Variants in PLD5 observed in about 807,000 individuals in gnomAD.
The protein encoded by PLD5 is inactive phospholipase D5.
PLD5 carries 36 observed loss-of-function variants against 61.1 expected under a neutral mutation model. The ratio of observed to expected loss-of-function variants is 0.59; its 90% confidence interval spans 0.45 to 0.78. The LOEUF (loss-of-function observed/expected upper bound fraction) is 0.78, where lower values mean the gene tolerates loss of function less well. Among genes scored for constraint, PLD5 ranks in the 30% least tolerant of loss-of-function variants. The probability of loss-of-function intolerance (pLI) is 0.00; values close to 1 mark genes in which losing one functional copy is unlikely to be tolerated. For synonymous variants in PLD5, 243 were observed against 242.8 expected (o/e 1.00, Z -0.01); for missense variants, 515 against 644.4 (o/e 0.80, Z 2.17).
At chr1:242,474,318 T>G (rs1475187934) in intron 1 of PLD5, among the ~76,000 whole-genome samples, 2 of 152,332 alleles carry the variant, frequency 1.3e-5, no homozygotes, top group East Asian at 3.9e-4. Flanking sequence ...CCCCTAAAGC[T>G]GCTCCTCTTC....
chr1:242,523,766 G>C (rs984440754), intron 1 of PLD5, among the ~76,000 whole-genome samples: 5 of 152,216 alleles, frequency 3.3e-5, no homozygotes, highest in African/African-American at 1.2e-4. Context: ...AGCCACGCTG[G>C]TGGCACTTCC....
chr1:242,391,691 G>A lies in PLD5; in HGVS notation c.190-43449C>T, dbSNP rs575022892. On this transcript the variant is annotated intron_variant, in intron 1 of 9. Coordinates refer to ENST00000536534, the MANE Select transcript of PLD5 (RefSeq NM_001372062.1). ...GAATATCCACCTTATGGAAAGGAAA[G>A]TTTAATGCAAAGAAAGCAAATAGTA... Among the ~76,000 whole-genome samples the A allele has an allele frequency of 2.0e-5, 3 of 152,288 alleles. No homozygotes were observed. In the South Asian group the frequency reaches 6.2e-4, roughly 32 times the overall value.
At chr1:242,523,993 G>GC (rs1393447563) in intron 1 of PLD5, 95 bp downstream of exon 1, 63 of 1,332,814 alleles carry the variant, frequency 4.7e-5, no homozygotes, top group Non-Finnish European at 5.5e-5. Context: ...CCCCTCGCCT[G>GC]CCCCCCGCGC....
At chr1:242,476,401 G>A (rs965791105) in intron 1 of PLD5, among the ~76,000 whole-genome samples, 4 of 151,908 alleles carry the variant, frequency 2.6e-5, no homozygotes, top group East Asian at 1.9e-4. Context: ...CAAATGGAGC[G>A]TTTAGTAAGT....
chr1:242,249,977 C>T (rs1048515013), intron 4 of PLD5, among the ~76,000 whole-genome samples: 4 of 152,154 alleles, frequency 2.6e-5, no homozygotes, highest in Non-Finnish European at 5.9e-5. Flanking sequence ...CATTTCAGAA[C>T]CATCCTAAGC....
intron 1 of PLD5, among the ~76,000 whole-genome samples, chr1:242,493,271 T>G (rs1254402270): frequency 6.6e-6 from 1 of 152,040 alleles, no homozygotes; most frequent in Non-Finnish European, 1.5e-5. Context: ...ACCTGTGGAC[T>G]TGACTATTAA....
At chr1:242,313,994 T>C (rs1558455599) in intron 2 of PLD5, among the ~76,000 whole-genome samples, 1 of 152,176 alleles carries the variant, frequency 6.6e-6, no homozygotes. Context: ...GCGTTTTTCC[T>C]AGACTTAGTG....
intron 1 of PLD5, among the ~76,000 whole-genome samples, chr1:242,388,637 A>T (rs931086768): frequency 6.6e-6 from 1 of 152,104 alleles, no homozygotes; most frequent in Non-Finnish European, 1.5e-5. Flanking sequence ...TAATAATACA[A>T]CCTAAGATGT....
At chr1:242,252,236 GA>G (rs1672742884) in intron 4 of PLD5, among the ~76,000 whole-genome samples, 1 of 152,252 alleles carries the variant, frequency 6.6e-6, no homozygotes, top group Non-Finnish European at 1.5e-5. Flanking sequence ...AGCCTGCTAG[GA>G]AGAACAGAAA....
At chr1:242,529,768 G>A in the PLD5 span, among the ~76,000 whole-genome samples, 32 of 111,226 alleles carry the variant, frequency 2.9e-4, no homozygotes, top group Non-Finnish European at 4.5e-4. Flanking sequence ...CAAATCAGAT[G>A]GCACTGGGAT....
At chr1:242,305,529 C>T (rs1372418903) in intron 2 of PLD5, among the ~76,000 whole-genome samples, 2 of 152,152 alleles carry the variant, frequency 1.3e-5, no homozygotes, top group South Asian at 2.1e-4. Flanking sequence ...GGGCTAAAAG[C>T]GGAGACTGTG....
rs78666365 is a variant in PLD5 at position 242,256,969 on chromosome 1, T to TCTAC, written c.607+8364_607+8367dup. ...ACCTACTGTCTTCTATCTATATCTA[T>TCTAC]CTACCTACCTACCTACCTTCTTTCT... On this transcript the variant is annotated intron_variant, in intron 4 of 9. Transcript: ENST00000536534. The surrounding 1 kb of genome is among the most constrained non-coding windows in gnomAD (Gnocchi z 5.7). Among the ~76,000 whole-genome samples the TCTAC allele has an allele frequency of 1.6e-4, 24 of 151,674 alleles. No homozygotes were observed. The highest frequency in any genetic ancestry group is 5.8e-4 in the African/African-American group (24 of 41,134).
chr1:242,116,472 A>C (rs748116071), intron 6 of PLD5, among the ~76,000 whole-genome samples: 23 of 152,274 alleles, frequency 1.5e-4, no homozygotes, highest in Non-Finnish European at 3.2e-4. Context: ...ACATGGATAT[A>C]TATTATGTGA....
chr1:242,330,949 T>G (rs73126303), intron 2 of PLD5, among the ~76,000 whole-genome samples: 1 of 152,182 alleles, frequency 6.6e-6, no homozygotes, highest in Non-Finnish European at 1.5e-5. Context: ...ATTTGAAAGC[T>G]TCTCCTCCCC....
At chr1:242,239,161 T>C (rs1210220969) in intron 4 of PLD5, among the ~76,000 whole-genome samples, 1 of 152,196 alleles carries the variant, frequency 6.6e-6, no homozygotes, top group Non-Finnish European at 1.5e-5. Flanking sequence ...TTGGAACTTG[T>C]ATTTTATTCA....
Position 242,524,238 on chromosome 1 carries a change from G to C in PLD5, c.39C>G (p.Pro13=), listed in dbSNP as rs757434779. 266 of 1,513,048 alleles carry C rather than the reference G, an allele frequency of 1.8e-4. No individual in the cohort carries two copies. The highest frequency in any genetic ancestry group is 1.2e-4 in the Non-Finnish European group (138 of 1,136,146). The allele number at this position is 1,513,048 out of a possible 1,614,324, so 93.7% of individuals were successfully genotyped here. A position where few individuals can be genotyped will look rare whatever the true frequency, so the allele number is the denominator to read the frequency against. ...GCCTCATCTGCTCGAAGCCCTCATG[G>C]GGGGAGGCCGAGAGCCACTCGTGCT... ...IRQHEWLSAS[P]HEGFEQMRLK... is the part of the protein sequence containing the mutation. The change falls in exon 1 of 10, where the codon CCC becomes CCG. Residue 13 remains proline (P), a synonymous_variant. Coordinates refer to ENST00000536534, the MANE Select transcript of PLD5 (RefSeq NM_001372062.1).
At chr1:242,303,941 A>G (rs1676202349) in intron 2 of PLD5, among the ~76,000 whole-genome samples, 1 of 152,108 alleles carries the variant, frequency 6.6e-6, no homozygotes, top group Non-Finnish European at 1.5e-5. Flanking sequence ...AAATCCCATT[A>G]TTTGCAAATT....
At chr1:242,222,022 C>A (rs1007446079) in intron 4 of PLD5, among the ~76,000 whole-genome samples, 6 of 152,150 alleles carry the variant, frequency 3.9e-5, no homozygotes, top group Non-Finnish European at 7.3e-5. Flanking sequence ...TGCAGGGAAG[C>A]ATCCTTCCTT....
chr1:242,432,260 A>G lies in PLD5; in HGVS notation c.190-84018T>C, dbSNP rs148979499. ...TCCAGAAACTACTGGGTAGGATAGG[A>G]AGAAGGACACGGAATAGCATCAATA... On this transcript the variant is annotated intron_variant, in intron 1 of 9. Transcript: ENST00000536534. 2.0e-4 allele frequency among the ~76,000 whole-genome samples: 31 copies of G among 152,296 alleles called. 1 individual carries two copies. The highest frequency in any genetic ancestry group is 7.2e-4 in the African/African-American group (30 of 41,570).
Sources: gnomAD v4.1 joint callset for allele counts (sites outside exome capture counted in the v4.1 genomes callset) on GRCh38, gnomAD v4.1.1 for gene constraint, Gnocchi (gnomAD v3.1) non-coding constraint, MANE v1.5 for transcripts, NCBI Gene and HGNC (gene_info 2026-07-23, HGNC 2026-07-21) for gene names.